Variants in OSBPL10 observed in about 807,000 individuals in gnomAD.
OSBPL10 encodes oxysterol binding protein like 10.
OSBPL10 carries 49 observed loss-of-function variants against 81.7 expected under a neutral mutation model. The ratio of observed to expected loss-of-function variants is 0.60; its 90% CI spans 0.48 to 0.76. The LOEUF is 0.76. Ranked by LOEUF, OSBPL10 falls within the 30% of genes least tolerant of loss-of-function variation. The pLI, the probability that OSBPL10 is intolerant of heterozygous loss-of-function variation, is 0.00. For synonymous variants in OSBPL10, 419 were observed against 383.6 expected (o/e 1.09, Z -1.08); for missense variants, 923 against 987.8 (o/e 0.93, Z 0.88).
intron 7 of OSBPL10, among the ~76,000 whole-genome samples, chr3:31,688,850 C>T (rs1035660989): frequency 1.3e-5 from 2 of 152,158 alleles, no homozygotes; most frequent in African/African-American, 4.8e-5. Context: ...GAAGTGCACT[C>T]TAAATGTCTA....
Position 32,054,526 on chromosome 3 carries a change from C to CTTTTTTTTTTTTTTTTTTTTTTTTT in OSBPL10, n.186-7924_186-7923insAAAAAAAAAAAAAAAAAAAAAAAAA, listed in dbSNP as rs755489489. ...ACCAACATTTCCTGGTCAATGGTGGCTTTTTTTTTTTTTTTTTTTTTTTGA... is the reference window on the plus strand; with the variant it reads ...ACCAACATTTCCTGGTCAATGGTGGCTTTTTTTTTTTTTTTTTTTTTTTTTTTTTTTTTTTTTTTTTTTTTTTTGA... On this transcript the variant is annotated intron_variant and non_coding_transcript_variant, in intron 1 of 3. Transcript: ENST00000479173. 4.6e-5 allele frequency among the ~76,000 whole-genome samples: 4 copies of CTTTTTTTTTTTTTTTTTTTTTTTTT among 86,604 alleles called. 2 individuals carry two copies. The highest frequency in any genetic ancestry group is 4.0e-5 in the Non-Finnish European group (2 of 49,724). 56.8% of individuals were successfully genotyped at this position (86,604 alleles called of 152,430 possible). A position where few individuals can be genotyped will look rare whatever the true frequency, so the allele number is the denominator to read the frequency against.
At chr3:31,898,107 G>C (rs1300856039) in intron 1 of OSBPL10, among the ~76,000 whole-genome samples, 4 of 151,662 alleles carry the variant, frequency 2.6e-5, no homozygotes, top group African/African-American at 9.7e-5. Context: ...TTTAGTCTGG[G>C]AAGATCTTGT....
intron 3 of OSBPL10, among the ~76,000 whole-genome samples, chr3:31,859,580 G>T (rs150646735): frequency 5.9e-5 from 9 of 152,314 alleles, no homozygotes; most frequent in African/African-American, 1.7e-4. Flanking sequence ...CTCCATCTTG[G>T]TGAAATGGTT....
chr3:31,682,070 T>G (rs1700663847), intron 8 of OSBPL10, among the ~76,000 whole-genome samples: 1 of 152,186 alleles, frequency 6.6e-6, no homozygotes, highest in Non-Finnish European at 1.5e-5. Flanking sequence ...CAGATCCTCT[T>G]GGCTCTAACT....
intron 2 of OSBPL10, among the ~76,000 whole-genome samples, chr3:32,005,233 CT>C (rs1020449055): frequency 2.6e-5 from 4 of 152,030 alleles, no homozygotes; most frequent in African/African-American, 9.7e-5. Context: ...CCCTTGCCCC[CT>C]ATCCCCAACA....
chr3:31,790,258 T>C (rs911804419), intron 4 of OSBPL10, among the ~76,000 whole-genome samples: 1 of 152,222 alleles, frequency 6.6e-6, no homozygotes, highest in African/African-American at 2.4e-5. Context: ...AATACTCTGT[T>C]GGCAGGAGTT....
chr3:31,810,737 A>C (rs1699659669), intron 4 of OSBPL10, among the ~76,000 whole-genome samples: 1 of 152,208 alleles, frequency 6.6e-6, no homozygotes, highest in Admixed American at 6.5e-5. Flanking sequence ...TATGAGATAC[A>C]AGTTTTCCCC....
intron 1 of OSBPL10, chr3:31,906,984 G>A (rs1000944284): frequency 3.3e-5 from 5 of 152,098 alleles, no homozygotes; most frequent in African/African-American, 9.7e-5. Flanking sequence ...TCCAGCCTTC[G>A]GGAGCAGTGA....
intron 2 of OSBPL10, among the ~76,000 whole-genome samples, chr3:31,995,647 G>T (rs12635070): frequency 6.6e-6 from 1 of 151,998 alleles, no homozygotes; most frequent in Non-Finnish European, 1.5e-5. Context: ...CTCAGCTTAC[G>T]AAGATAACAG....
chr3:31,963,529 C>G (rs569641121), intron 1 of OSBPL10, among the ~76,000 whole-genome samples: 1 of 152,260 alleles, frequency 6.6e-6, no homozygotes, highest in Admixed American at 6.5e-5. Flanking sequence ...TGAAGGCTCA[C>G]TCTTCAAACA....
In OSBPL10 at chr3:32,001,297, C is replaced by T. The variant is rs542715096; in HGVS notation, n.298+45194G>A. Among the ~76,000 whole-genome samples the T allele has an allele frequency of 4.5e-4, 69 of 152,254 alleles. 1 individual carries two copies. In the South Asian group the frequency reaches 0.014, roughly 30 times the overall value. ...CCCTTCCCTGGCCTACTCTATAAGGCTGGGCTCTATATTAACCCCTACAGT... is the reference window on the plus strand; with the variant it reads ...CCCTTCCCTGGCCTACTCTATAAGGTTGGGCTCTATATTAACCCCTACAGT... On this transcript the variant is annotated intron_variant and non_coding_transcript_variant, in intron 2 of 3. Coordinates refer to the OSBPL10 transcript ENST00000479173.
chr3:31,896,851 G>A (rs192149701), intron 1 of OSBPL10, among the ~76,000 whole-genome samples: 9 of 152,322 alleles, frequency 5.9e-5, no homozygotes, highest in Admixed American at 3.3e-4. Flanking sequence ...TCCTTGGAGG[G>A]AGGGGAGGAA....
intron 4 of OSBPL10, among the ~76,000 whole-genome samples, chr3:31,774,104 G>A (rs1698470247): frequency 1.3e-5 from 2 of 150,828 alleles, no homozygotes; most frequent in African/African-American, 4.9e-5. Flanking sequence ...GGAGGTTGCA[G>A]TGAGCCGAGA....
chr3:31,749,903 G>A (rs763740790), intron 4 of OSBPL10, among the ~76,000 whole-genome samples: 15 of 150,680 alleles, frequency 1.0e-4, no homozygotes, highest in Admixed American at 8.6e-4. Flanking sequence ...CCTCCAGGCC[G>A]GGCATGGTGG....
chr3:31,672,278 G>A (rs2125517032), intron 8 of OSBPL10, among the ~76,000 whole-genome samples: 1 of 148,530 alleles, frequency 6.7e-6, no homozygotes, highest in East Asian at 2.0e-4. Context: ...ACTTTTAAGA[G>A]AGGTTAAGTA....
intron 1 of OSBPL10, among the ~76,000 whole-genome samples, chr3:32,058,525 C>T (rs1157701175): frequency 6.6e-6 from 1 of 152,138 alleles, no homozygotes; most frequent in African/African-American, 2.4e-5. Flanking sequence ...TGGGGTTTCA[C>T]CATGTTGTCC....
intron 4 of OSBPL10, among the ~76,000 whole-genome samples, chr3:31,763,299 T>A (rs1559454103): frequency 6.6e-6 from 1 of 152,222 alleles, no homozygotes; most frequent in South Asian, 2.1e-4. Context: ...TTCTGATTAA[T>A]CTACTGTCAT....
intron 2 of OSBPL10, among the ~76,000 whole-genome samples, chr3:32,025,183 T>C (rs1403391796): frequency 1.3e-5 from 2 of 152,198 alleles, no homozygotes; most frequent in Non-Finnish European, 2.9e-5. Context: ...TCTTGTTTGA[T>C]GAGGGTTTTT....
intron 2 of OSBPL10, among the ~76,000 whole-genome samples, chr3:32,021,555 G>T (rs186054908): frequency 1.1e-4 from 17 of 152,128 alleles, no homozygotes; most frequent in African/African-American, 3.9e-4. Context: ...TTTCATTGTG[G>T]TTTTAATTTA....
Sources: gnomAD v4.1 joint callset for allele counts (sites outside exome capture counted in the v4.1 genomes callset) on GRCh38, gnomAD v4.1.1 for gene constraint, MANE v1.5 for transcripts, NCBI Gene and HGNC (gene_info 2026-07-23, HGNC 2026-07-21) for gene names.